PABIR2: variants seen among roughly 807,000 people sequenced by gnomAD.
PABIR2 encodes PABIR family member 2.
In PABIR2, 7 loss-of-function variants were observed where a neutral mutation model predicts 22.8. That is an observed-to-expected ratio of 0.31 (90% CI 0.17 to 0.58). PABIR2 has a LOEUF of 0.58. PABIR2 is among the 20% of genes least tolerant of loss of function. The pLI is 0.89. For missense variants in PABIR2, 155 were observed against 205.1 expected, an observed-to-expected ratio of 0.76 and a Z score of 1.49; for synonymous variants, 67 against 73.8, an observed-to-expected ratio of 0.91 and a Z score of 0.47.
chrX:134,794,160 G>T, intron 1 of PABIR2: 1 of 311,435 alleles, frequency 3.2e-6, no homozygotes, highest in Non-Finnish European at 4.3e-6. Flanking sequence ...CTCCAGACTG[G>T]TTGACTCTAG....
rs1271308152 is a variant in PABIR2, at chrX:134,780,421, C to CA, written c.659+1399dup. ...CAAAACCCCATCTCCACTACAAATA[C>CA]AAAAAAAAATAGCTAGGCGTGGTGG... On this transcript the variant is annotated intron_variant, in intron 9 of 9. Transcript: ENST00000343004. 1.7e-3 allele frequency among the ~76,000 whole-genome samples: 184 copies of CA among 109,483 alleles called. 1 individual carries two copies. Among genetic ancestry groups the CA allele is most frequent in the African/African-American group, 5.6e-3 (169 of 30,187 alleles).
intron 9 of PABIR2, among the ~76,000 whole-genome samples, chrX:134,773,598 G>C (rs767504948): frequency 8.9e-6 from 1 of 111,889 alleles, no homozygotes; most frequent in African/African-American, 3.2e-5. Flanking sequence ...GAGGAAGCAA[G>C]GGTAGTTCCA....
At chrX:134,777,166 G>T (rs1393792620) in intron 9 of PABIR2, among the ~76,000 whole-genome samples, 1 of 112,128 alleles carries the variant, frequency 8.9e-6, no homozygotes, top group East Asian at 2.8e-4. Context: ...GAACACAGCT[G>T]ATTCCTATCT....
chrX:134,787,389 T>TG (rs2147952094), intron 7 of PABIR2, 83 bp downstream of exon 7: 1 of 996,273 alleles, frequency 1.0e-6, no homozygotes, highest in East Asian at 3.1e-5. Flanking sequence ...TGTGAGCCAC[T>TG]GCGCCCAGCC....
chrX:134,794,606 T>C (rs2079660994), intron 1 of PABIR2, among the ~76,000 whole-genome samples: 1 of 112,193 alleles, frequency 8.9e-6, no homozygotes, highest in African/African-American at 3.2e-5. Flanking sequence ...AGACACCTAC[T>C]TTGTCTCTTA....
chrX:134,784,129 G>A (rs1304587727), intron 8 of PABIR2, among the ~76,000 whole-genome samples: 1 of 108,329 alleles, frequency 9.2e-6, no homozygotes, highest in Non-Finnish European at 1.9e-5. Context: ...AAAATGACAC[G>A]TTGACACTTG....
chrX:134,791,321 A>C (rs2079542724), intron 2 of PABIR2, among the ~76,000 whole-genome samples: 1 of 111,399 alleles, frequency 9.0e-6, no homozygotes, highest in South Asian at 3.7e-4. Flanking sequence ...TTAAGTGGGT[A>C]CTGGTGACTT....
chrX:134,794,202 G>A (rs954310447), intron 1 of PABIR2: 18 of 136,466 alleles, frequency 1.3e-4, no homozygotes, highest in Admixed American at 8.6e-4. Flanking sequence ...CCCCCAAACC[G>A]GTTACCACCA....
intron 9 of PABIR2, among the ~76,000 whole-genome samples, chrX:134,780,297 C>T (rs969401557): frequency 1.8e-5 from 2 of 112,358 alleles, no homozygotes; most frequent in African/African-American, 3.2e-5. Flanking sequence ...ATCTTCAGGC[C>T]GGGCACAGTG....
intron 9 of PABIR2, among the ~76,000 whole-genome samples, chrX:134,778,499 C>T (rs1227844365): frequency 2.2e-5 from 2 of 90,020 alleles, no homozygotes; most frequent in East Asian, 3.4e-4. Flanking sequence ...AGCGAAACTC[C>T]GTCTCAAAAA....
At chrX:134,794,281 C>T (rs147746251) in intron 1 of PABIR2, among the ~76,000 whole-genome samples, 1 of 111,350 alleles carries the variant, frequency 9.0e-6, no homozygotes, top group Non-Finnish European at 1.9e-5. Context: ...TGCCATGATG[C>T]GAAAAGGGGT....
intron 1 of PABIR2, 52 bp downstream of exon 1, chrX:134,796,056 G>T: frequency 9.1e-7 from 1 of 1,093,722 alleles, no homozygotes; most frequent in Non-Finnish European, 1.3e-6. Context: ...TTGCTTGCAT[G>T]GGGGCAAGGA....
intron 9 of PABIR2, among the ~76,000 whole-genome samples, chrX:134,776,085 AGTGTGTGT>A (rs35944652): frequency 9.3e-6 from 1 of 107,999 alleles, no homozygotes. Flanking sequence ...ACATCTCTAA[AGTGTGTGT>A]GTGTGTGTGT....
chrX:134,769,784 T>G lies in PABIR2; in HGVS notation c.*2355A>C, dbSNP rs1427014032. On this transcript the variant is annotated 3_prime_UTR_variant, in exon 10 of 10. Transcript: ENST00000343004. ...CTGAAATATATGATATATATTAGAA[T>G]AGGAAGAGAGAATTTTACTTTATAA... 1 of 112,030 alleles carries G rather than the reference T, an allele frequency of 8.9e-6. No individual in the cohort carries two copies. The highest frequency in any genetic ancestry group is 3.3e-5 in the African/African-American group (1 of 30,759). The allele number at this position is 112,030 out of a possible 1,213,427, so 9.2% of individuals were successfully genotyped here. A position where few individuals can be genotyped will look rare whatever the true frequency, so the allele number is the denominator to read the frequency against.
chrX:134,775,313 G>A (rs910933826), intron 9 of PABIR2, among the ~76,000 whole-genome samples: 3 of 110,120 alleles, frequency 2.7e-5, no homozygotes, highest in Non-Finnish European at 5.7e-5. Context: ...GGCGGATCAC[G>A]AAGTCAGGAG....
At chrX:134,788,663 T>C in intron 6 of PABIR2, 67 bp downstream of exon 6, 1 of 935,291 alleles carries the variant, frequency 1.1e-6, no homozygotes, top group African/African-American at 2.0e-5. Context: ...GTGGGGTGAT[T>C]TGTGTGTGTT....
Position 134,789,070 on chromosome X carries a change from A to G in PABIR2, c.333+15T>C, listed in dbSNP as rs376571938. 8.3e-6 allele frequency: 10 copies of G among 1,210,106 alleles called. No homozygotes were observed. The African/African-American group carries it at 1.6e-4, about 19-fold the overall frequency. On this transcript the variant is annotated intron_variant, in intron 5 of 9. Coordinates refer to ENST00000343004, the MANE Select transcript of PABIR2 (RefSeq NM_001387468.1). ...TCTAGAAAATGAAAACCAAACAGAC[A>G]TGAGCAAACTTTACCAGGCTCAAGC...
chrX:134,789,502 C>T (rs758231111), intron 3 of PABIR2, 78 bp downstream of exon 3: 12 of 954,493 alleles, frequency 1.3e-5, no homozygotes, highest in Admixed American at 2.8e-5. Context: ...CATCCTAATT[C>T]ATTTTAATAT....
intron 3 of PABIR2, 84 bp from the exon 4 acceptor site, chrX:134,789,350 T>C (rs2079478249): frequency 3.6e-6 from 4 of 1,110,255 alleles, no homozygotes; most frequent in South Asian, 1.9e-5. Context: ...TTTATCCACA[T>C]AGTTCTCTGC....
Sources: allele counts gnomAD v4.1 joint callset (sites outside exome capture counted in the v4.1 genomes callset), GRCh38; gene constraint gnomAD v4.1.1; transcripts MANE v1.5; gene names NCBI Gene and HGNC (gene_info 2026-07-23, HGNC 2026-07-21).